The following QTRT2 variants were observed in gnomAD, a reference collection of about 807,000 sequenced individuals.
QTRT2 encodes queuine tRNA-ribosyltransferase accessory subunit 2.
In QTRT2, 32 loss-of-function variants were observed where a neutral mutation model predicts 44.8. That is an observed-to-expected ratio of 0.71 (90% CI 0.54 to 0.96). The LOEUF (loss-of-function observed/expected upper bound fraction) is 0.96, where lower values mean the gene tolerates loss of function less well. QTRT2 is among the 40% of genes least tolerant of loss of function. QTRT2 has a pLI of 0.00. For synonymous variants in QTRT2, 182 were observed against 187.4 expected, an observed-to-expected ratio of 0.97 and a Z score of 0.24; for missense variants, 461 against 503.1, an observed-to-expected ratio of 0.92 and a Z score of 0.80.
At chr3:114,059,896 A>G (rs1404743848) in intron 2 of QTRT2, among the ~76,000 whole-genome samples, 2 of 152,194 alleles carry the variant, frequency 1.3e-5, no homozygotes, top group East Asian at 3.8e-4. Context: ...CCAAGTAGGT[A>G]TTTCTCTCCA....
intron 6 of QTRT2, among the ~76,000 whole-genome samples, chr3:114,073,921 T>C (rs1213293479): frequency 3.3e-5 from 5 of 152,236 alleles, no homozygotes; most frequent in Non-Finnish European, 7.3e-5. Flanking sequence ...ATTCCCTCCC[T>C]GTCTTATTGA....
chr3:114,073,611 C>A (rs2077051677), intron 6 of QTRT2, among the ~76,000 whole-genome samples: 1 of 152,076 alleles, frequency 6.6e-6, no homozygotes, highest in Non-Finnish European at 1.5e-5. Context: ...GAACCCCTGA[C>A]CTTTTCATTC....
intron 7 of QTRT2, chr3:114,079,233 C>G (rs531149083): frequency 6.6e-6 from 1 of 152,292 alleles, no homozygotes; most frequent in Admixed American, 6.5e-5. Flanking sequence ...TATTGAACTT[C>G]TCTCTGGGAT....
chr3:114,079,994 G>A lies in QTRT2; in HGVS notation c.835G>A (p.Val279Ile). The A allele has an allele frequency of 6.2e-7, 1 of 1,613,812 alleles. No individual in the cohort carries two copies. Among genetic ancestry groups the A allele is most frequent in the South Asian group, 1.1e-5 (1 of 91,066 alleles). Residue 279 changes from valine to isoleucine, a missense_variant, in exon 8 of 10, where the codon GTA becomes ATA. By Grantham distance (29) the Val-to-Ile change is conservative. Coordinates refer to ENST00000281273, the MANE Select transcript of QTRT2 (RefSeq NM_024638.4). ...ATTTGAGAGTTTTTTCCCTTATCAA[G>A]TAACAGAGCGGGGATGTGCCCTGAC... The part of the protein sequence containing the change: ...DLFESFFPYQ[V>I]TERGCALTFS...
intron 2 of QTRT2, among the ~76,000 whole-genome samples, chr3:114,063,601 G>T (rs2076915478): frequency 6.6e-6 from 1 of 151,898 alleles, no homozygotes; most frequent in African/African-American, 2.4e-5. Flanking sequence ...TTGAAATAAT[G>T]ATCTCATAGT....
chr3:114,076,756 G>T lies in QTRT2; in HGVS notation c.560G>T (p.Ser187Ile), dbSNP rs1017824867. The T allele has an allele frequency of 6.2e-7, 1 of 1,614,192 alleles. No homozygotes were observed. Among genetic ancestry groups the T allele is most frequent in the Non-Finnish European group, 8.5e-7 (1 of 1,179,986 alleles). Residue 187 changes from serine to isoleucine, a missense_variant, in exon 7 of 10, where the codon AGT becomes ATT. By Grantham distance (142) the Ser-to-Ile change is moderately radical. Transcript: ENST00000281273. The part of the protein sequence containing the change: ...LQEESEVLQK[S>I]VIIGVIEGGD... ...TTCTTACCTCAGGTTCTTCAGAAGA[G>T]TGTGATCATTGGAGTGATTGAAGGT...
intron 9 of QTRT2, 29 bp downstream of exon 9, chr3:114,082,823 G>T: frequency 9.9e-7 from 1 of 1,012,708 alleles, no homozygotes; most frequent in Non-Finnish European, 1.5e-6. Flanking sequence ...TTTGGATTTT[G>T]CTTTCTGACT....
chr3:114,065,143 C>A lies in QTRT2; in HGVS notation c.-21-94C>A, dbSNP rs568212374. ...CTGGAAGCAGTAATAAGCATGCTAT[C>A]ATTCATTTTCCTGAAGATTTTTTTT... On this transcript the variant is annotated intron_variant, in intron 2 of 9. Coordinates refer to ENST00000281273, the MANE Select transcript of QTRT2 (RefSeq NM_024638.4). 41 of 768,996 alleles carry A rather than the reference C, an allele frequency of 5.3e-5. No individual in the cohort carries two copies. The African/African-American group carries it at 6.4e-4, about 12-fold the overall frequency. 47.6% of individuals were successfully genotyped at this position (768,996 alleles called of 1,614,324 possible).
At chr3:114,072,465 C>G (rs1019189574) in intron 6 of QTRT2, among the ~76,000 whole-genome samples, 1 of 152,206 alleles carries the variant, frequency 6.6e-6, no homozygotes, top group Non-Finnish European at 1.5e-5. Flanking sequence ...CCAGGGAATT[C>G]AATTCATTCT....
At chr3:114,060,817 A>C (rs1029646804) in intron 2 of QTRT2, among the ~76,000 whole-genome samples, 2 of 152,134 alleles carry the variant, frequency 1.3e-5, no homozygotes, top group African/African-American at 4.8e-5. Context: ...CTGTGGGGCC[A>C]GTCGTAAGTA....
intron 6 of QTRT2, 21 bp downstream of exon 6, chr3:114,070,859 A>T (rs766275937): frequency 6.3e-7 from 1 of 1,598,620 alleles, no homozygotes; most frequent in Non-Finnish European, 8.6e-7. Flanking sequence ...GCCACTAACC[A>T]CTCCTTTCTC....
At chr3:114,056,961 T>C in intron 1 of QTRT2, 38 bp from the exon 2 acceptor site, 1 of 1,486,772 alleles carries the variant, frequency 6.7e-7, no homozygotes, top group Admixed American at 2.3e-5. Context: ...GTAACGGTGA[T>C]TGTACTCCCG....
chr3:114,060,910 G>A lies in QTRT2; in HGVS notation c.-22+3804G>A, dbSNP rs542545152. Among the ~76,000 whole-genome samples the A allele has an allele frequency of 2.6e-5, 4 of 152,306 alleles. No homozygotes were observed. In the East Asian group the frequency reaches 7.7e-4, roughly 29 times the overall value. Reference sequence around the variant, plus strand: ...GTGACAGCTCCTAAGTAACTAAGGGGCGAGTGGCGTCTACAGTGTGAAGAT... The same window carrying A: ...GTGACAGCTCCTAAGTAACTAAGGGACGAGTGGCGTCTACAGTGTGAAGAT... On this transcript the variant is annotated intron_variant, in intron 2 of 9. Coordinates refer to ENST00000281273, the MANE Select transcript of QTRT2 (RefSeq NM_024638.4).
intron 6 of QTRT2, among the ~76,000 whole-genome samples, chr3:114,073,368 T>G (rs1030438506): frequency 1.3e-5 from 2 of 151,634 alleles, no homozygotes; most frequent in African/African-American, 2.4e-5. Flanking sequence ...TTTGTGGGGG[T>G]TTTTTTGTTT....
chr3:114,077,399 TG>T (rs1367322822), intron 7 of QTRT2: 1 of 160,786 alleles, frequency 6.2e-6, no homozygotes, highest in East Asian at 1.8e-4. Context: ...AGGCTGGTAG[TG>T]AGTGGTGTCA....
At chr3:114,082,094 T>C (rs530554050) in intron 8 of QTRT2, among the ~76,000 whole-genome samples, 7 of 152,238 alleles carry the variant, frequency 4.6e-5, no homozygotes, top group East Asian at 1.9e-4. Flanking sequence ...TGTCTCCATA[T>C]AGAATACATA....
intron 7 of QTRT2, chr3:114,079,621 C>T (rs2077139159): frequency 3.9e-6 from 1 of 256,360 alleles, no homozygotes. Flanking sequence ...ATTATTTGCT[C>T]TTGTTTTTAA....
At chr3:114,058,930 GA>G (rs2076846621) in intron 2 of QTRT2, among the ~76,000 whole-genome samples, 1 of 152,220 alleles carries the variant, frequency 6.6e-6, no homozygotes, top group Non-Finnish European at 1.5e-5. Flanking sequence ...TATGATTATA[GA>G]AAGTGTACAT....
chr3:114,073,471 C>G (rs545036537), intron 6 of QTRT2, among the ~76,000 whole-genome samples: 133 of 152,210 alleles, frequency 8.7e-4, no homozygotes, highest in Admixed American at 4.8e-3. Context: ...CCTCTGCCTC[C>G]CAGGTTCAAG....
Sources: allele counts gnomAD v4.1 joint callset (sites outside exome capture counted in the v4.1 genomes callset), GRCh38; gene constraint gnomAD v4.1.1; transcripts MANE v1.5; gene names NCBI Gene and HGNC (gene_info 2026-07-23, HGNC 2026-07-21).